SAMD5: variants seen among roughly 807,000 people sequenced by gnomAD.
The protein encoded by SAMD5 is sterile alpha motif domain containing 5, also known as sterile alpha motif domain-containing protein 5.
In SAMD5, 13 loss-of-function variants were observed where a neutral mutation model predicts 11.3. The observed-to-expected ratio is 1.15, with a 90% CI of 0.75 to 1.83. The LOEUF is 1.83. SAMD5 is among the 40% of genes most tolerant of loss of function. The probability of loss-of-function intolerance (pLI) is 0.00; values close to 1 mark genes in which losing one functional copy is unlikely to be tolerated. For synonymous variants in SAMD5, 129 were observed against 111.3 expected, an observed-to-expected ratio of 1.16 and a Z score of -1.00; for missense variants, 255 against 239.1, an observed-to-expected ratio of 1.07 and a Z score of -0.44.
chr6:147,915,895 T>TC, the SAMD5 span, among the ~76,000 whole-genome samples: 4 of 115,520 alleles, frequency 3.5e-5, no homozygotes, highest in African/African-American at 9.8e-5. Context: ...ATGCTATCCC[T>TC]CCCCCCTCCC....
At chr6:147,598,461 C>G (rs1198832994) in intron 1 of SAMD5, among the ~76,000 whole-genome samples, 1 of 152,112 alleles carries the variant, frequency 6.6e-6, no homozygotes, top group African/African-American at 2.4e-5. Flanking sequence ...TTCTCTTTCC[C>G]CTGCTTTTTT....
At chr6:147,751,666 T>TA in the SAMD5 span, among the ~76,000 whole-genome samples, 3 of 152,156 alleles carry the variant, frequency 2.0e-5, no homozygotes, top group Admixed American at 6.6e-5. Context: ...TTAACCCCCG[T>TA]AAAAAAATGG....
At chr6:147,684,469 G>GGTA (rs1233076571) in intron 1 of SAMD5, among the ~76,000 whole-genome samples, 1 of 152,028 alleles carries the variant, frequency 6.6e-6, no homozygotes, top group African/African-American at 2.4e-5. Context: ...TTATATTAGG[G>GGTA]GTAGTTGGGC....
chr6:147,818,518 A>T, the SAMD5 span, among the ~76,000 whole-genome samples: 1 of 152,238 alleles, frequency 6.6e-6, no homozygotes, highest in African/African-American at 2.4e-5. Context: ...GCCCCTCCAC[A>T]TACCTCGCAG....
chr6:147,601,471 T>C (rs1393150588), intron 1 of SAMD5, among the ~76,000 whole-genome samples: 1 of 150,764 alleles, frequency 6.6e-6, no homozygotes, highest in East Asian at 2.1e-4. Context: ...TATCTGACTG[T>C]AACTTGTGAT....
chr6:147,643,788 G>A (rs1790350999), intron 1 of SAMD5, among the ~76,000 whole-genome samples: 2 of 145,072 alleles, frequency 1.4e-5, no homozygotes, highest in Admixed American at 1.4e-4. Context: ...AAGGAAGGAA[G>A]GAAGGAAAGA....
At chr6:147,653,466 C>T (rs796499133) in intron 1 of SAMD5, among the ~76,000 whole-genome samples, 2 of 152,300 alleles carry the variant, frequency 1.3e-5, no homozygotes, top group Admixed American at 6.5e-5. Context: ...GTGGCTCCGT[C>T]GAGCAGTCCT....
chr6:147,931,010 A>G, the SAMD5 span, among the ~76,000 whole-genome samples: 3 of 152,088 alleles, frequency 2.0e-5, no homozygotes, highest in Non-Finnish European at 4.4e-5. Context: ...GGCATCCTCA[A>G]TCCAGTCAAG....
At chr6:147,936,326 T>C in the SAMD5 span, among the ~76,000 whole-genome samples, 1 of 151,900 alleles carries the variant, frequency 6.6e-6, no homozygotes, top group Non-Finnish European at 1.5e-5. Flanking sequence ...CTGCAGGTTG[T>C]ACAGGAAGCA....
At chr6:147,559,265 C>T (rs1320197256) in intron 1 of SAMD5, among the ~76,000 whole-genome samples, 1 of 152,192 alleles carries the variant, frequency 6.6e-6, no homozygotes, top group Non-Finnish European at 1.5e-5. Context: ...GTGATGAGTA[C>T]AGCAAAGTAC....
chr6:147,570,673 T>C (rs1721284), downstream of SAMD5, among the ~76,000 whole-genome samples: 49,477 of 151,944 alleles, frequency 0.33, 8,145 homozygotes, highest in East Asian at 0.38. Context: ...AATCAAATCA[T>C]GTGCATGTTT....
chr6:147,900,926 A>G, the SAMD5 span, among the ~76,000 whole-genome samples: 1 of 152,220 alleles, frequency 6.6e-6, no homozygotes, highest in Non-Finnish European at 1.5e-5. Context: ...TAGAATCACA[A>G]AAAAATTTAT....
chr6:147,676,891 A>C (rs1790870910), intron 1 of SAMD5, among the ~76,000 whole-genome samples: 1 of 150,180 alleles, frequency 6.7e-6, no homozygotes, highest in South Asian at 2.2e-4. Flanking sequence ...GAAATACAGA[A>C]TTGAGGGAGG....
chr6:147,784,700 A>G, the SAMD5 span, among the ~76,000 whole-genome samples: 1 of 152,216 alleles, frequency 6.6e-6, no homozygotes, highest in African/African-American at 2.4e-5. Context: ...GTCCTTTCCA[A>G]TAAATACAAA....
the SAMD5 span, among the ~76,000 whole-genome samples, chr6:147,769,877 A>C: frequency 6.6e-6 from 1 of 152,320 alleles, no homozygotes; most frequent in South Asian, 2.1e-4. Context: ...TCATAGAAGA[A>C]CAAATTGTAC....
intron 1 of SAMD5, among the ~76,000 whole-genome samples, chr6:147,640,143 T>A (rs1790288410): frequency 6.6e-6 from 1 of 151,876 alleles, no homozygotes; most frequent in Non-Finnish European, 1.5e-5. Flanking sequence ...CTGGCCAACA[T>A]GGTGAAACCC....
intron 1 of SAMD5, among the ~76,000 whole-genome samples, chr6:147,640,495 C>G (rs1404344415): frequency 3.7e-5 from 1 of 26,850 alleles, no homozygotes; most frequent in African/African-American, 1.0e-4. Context: ...AAGACTCTGT[C>G]GCAAAAAAAA....
At chr6:147,779,495 T>G in the SAMD5 span, among the ~76,000 whole-genome samples, 1 of 144,210 alleles carries the variant, frequency 6.9e-6, no homozygotes, top group Non-Finnish European at 1.5e-5. Flanking sequence ...CCTGAAGTCA[T>G]CCTTTTTTTT....
chr6:147,916,013 T>G, the SAMD5 span, among the ~76,000 whole-genome samples: 2 of 151,452 alleles, frequency 1.3e-5, no homozygotes, highest in African/African-American at 4.9e-5. Context: ...TTGGTTTTTT[T>G]GTCCTTCTGA....
Sources: allele counts gnomAD v4.1 joint callset (sites outside exome capture counted in the v4.1 genomes callset), GRCh38; gene constraint gnomAD v4.1.1; transcripts MANE v1.5; gene names NCBI Gene and HGNC (gene_info 2026-07-23, HGNC 2026-07-21).